TMEM132C: variants seen among roughly 807,000 people sequenced by gnomAD.
The protein encoded by TMEM132C is protein phosphatase 1, regulatory subunit 152.
A neutral mutation model predicts 61.4 loss-of-function variants in TMEM132C; 29 were observed. The ratio of observed to expected loss-of-function variants is 0.47; its 90% CI spans 0.35 to 0.64. The LOEUF (loss-of-function observed/expected upper bound fraction) is 0.64. TMEM132C is among the 30% of genes least tolerant of loss of function. TMEM132C has a pLI of 0.00. For synonymous variants in TMEM132C, 656 were observed against 633.1 expected, an observed-to-expected ratio of 1.04 and a Z score of -0.54; for missense variants, 1,408 against 1,476.9, an observed-to-expected ratio of 0.95 and a Z score of 0.76.
intron 2 of TMEM132C, among the ~76,000 whole-genome samples, chr12:128,517,330 G>A (rs1448884138): frequency 6.6e-6 from 1 of 152,046 alleles, no homozygotes; most frequent in Middle Eastern, 3.2e-3. Context: ...AGCTACTCGG[G>A]AGGCTGAGGT....
Position 128,415,472 on chromosome 12 carries a change from C to A in TMEM132C, c.826C>A (p.Arg276=), listed in dbSNP as rs530378981. Residue 276 remains arginine (R), a synonymous_variant, in exon 2 of 9, where the codon CGG becomes AGG. Coordinates refer to ENST00000435159, the MANE Select transcript of TMEM132C (RefSeq NM_001136103.3). The surrounding 1 kb of genome is among the most constrained non-coding windows in gnomAD (Gnocchi z 5.8). ...LQRIGTVGLY[R]AQDSAQLSEL... ...GAGGATCGGCACCGTCGGCCTTTAC[C>A]GGGCCCAGGACAGCGCCCAGCTCAG... The A allele has an allele frequency of 6.4e-7, 1 of 1,551,616 alleles. No homozygotes were observed. The highest frequency in any genetic ancestry group is 1.4e-5 in the African/African-American group (1 of 73,168).
chr12:128,459,673 C>T (rs1023125923), intron 2 of TMEM132C, among the ~76,000 whole-genome samples: 10 of 151,952 alleles, frequency 6.6e-5, no homozygotes, highest in South Asian at 2.1e-4. Flanking sequence ...GGGTGGATCA[C>T]GAGGAATTCA....
intron 4 of TMEM132C, among the ~76,000 whole-genome samples, chr12:128,624,899 C>T (rs1473104349): frequency 6.6e-6 from 1 of 152,174 alleles, no homozygotes; most frequent in African/African-American, 2.4e-5. Context: ...CCCAGTGCCA[C>T]CCTCATGTGA....
intron 2 of TMEM132C, among the ~76,000 whole-genome samples, chr12:128,426,611 A>G (rs1209975548): frequency 3.3e-5 from 5 of 152,180 alleles, no homozygotes; most frequent in Admixed American, 2.6e-4. Context: ...GTCATTTTAA[A>G]TGTATTCTTC....
intron 3 of TMEM132C, among the ~76,000 whole-genome samples, chr12:128,605,604 C>T (rs776366159): frequency 1.6e-4 from 25 of 152,164 alleles, no homozygotes; most frequent in African/African-American, 2.2e-4. Flanking sequence ...GGGTGCATTA[C>T]GGATCTGGTG....
intron 1 of TMEM132C, among the ~76,000 whole-genome samples, chr12:128,281,038 A>C (rs750755026): frequency 1.7e-4 from 26 of 152,192 alleles, no homozygotes; most frequent in Non-Finnish European, 8.8e-5. Context: ...AACACAGGTC[A>C]CAGGAACATA....
chr12:128,706,581 T>A lies in TMEM132C; in HGVS notation c.*286T>A, dbSNP rs1171637069. On this transcript the variant is annotated 3_prime_UTR_variant, in exon 9 of 9. Transcript: ENST00000435159. Reference sequence around the variant, plus strand: ...AAAATTAGGAAGGTTATTTTATGAGTCAAAACATACTACAGACAAGCTACC... The same window carrying A: ...AAAATTAGGAAGGTTATTTTATGAGACAAAACATACTACAGACAAGCTACC... 2 of 308,648 alleles carry A rather than the reference T, an allele frequency of 6.5e-6. No individual in the cohort carries two copies. The highest frequency in any genetic ancestry group is 1.2e-5 in the Non-Finnish European group (2 of 168,638). The allele number at this position is 308,648 out of a possible 1,614,324, so 19.1% of individuals were successfully genotyped here. A position where few individuals can be genotyped will look rare whatever the true frequency, so the allele number is the denominator to read the frequency against.
At chr12:128,578,049 T>C (rs920781352) in intron 3 of TMEM132C, among the ~76,000 whole-genome samples, 2 of 151,272 alleles carry the variant, frequency 1.3e-5, no homozygotes, top group African/African-American at 2.5e-5. Context: ...GAGAAAACTT[T>C]ATGTCATTAC....
intron 3 of TMEM132C, among the ~76,000 whole-genome samples, chr12:128,552,650 T>C (rs1287540310): frequency 1.3e-5 from 2 of 152,216 alleles, no homozygotes; most frequent in Non-Finnish European, 2.9e-5. Context: ...GGCTCACGCC[T>C]GTAACCCCAG....
intron 4 of TMEM132C, among the ~76,000 whole-genome samples, chr12:128,637,318 A>G (rs1954111981): frequency 6.6e-6 from 1 of 152,194 alleles, no homozygotes; most frequent in African/African-American, 2.4e-5. Context: ...AAAGCTCTGT[A>G]TGGTAGCAGG....
chr12:128,274,017 A>G (rs974384673), intron 1 of TMEM132C, among the ~76,000 whole-genome samples: 7 of 152,136 alleles, frequency 4.6e-5, no homozygotes, highest in Non-Finnish European at 8.8e-5. Context: ...TTATTCTCCT[A>G]CCTGTGCACT....
At chr12:128,395,674 C>T (rs1018659621) in intron 1 of TMEM132C, among the ~76,000 whole-genome samples, 9 of 152,136 alleles carry the variant, frequency 5.9e-5, no homozygotes, top group Admixed American at 1.3e-4. Context: ...ATTTGTTGAA[C>T]GCTGTTCTGA....
intron 1 of TMEM132C, among the ~76,000 whole-genome samples, chr12:128,306,193 C>T (rs762851552): frequency 8.1e-4 from 119 of 147,464 alleles, no homozygotes; most frequent in Non-Finnish European, 1.5e-3. Flanking sequence ...CCTCTTTACC[C>T]TGTGAAGAAA....
chr12:128,489,906 A>G (rs1367064486), intron 2 of TMEM132C, among the ~76,000 whole-genome samples: 1 of 152,168 alleles, frequency 6.6e-6, no homozygotes, highest in Non-Finnish European at 1.5e-5. Flanking sequence ...AACAAACAAA[A>G]GAACCTGGAT....
intron 2 of TMEM132C, among the ~76,000 whole-genome samples, chr12:128,485,991 CT>C (rs1299270322): frequency 7.9e-5 from 12 of 152,200 alleles, no homozygotes; most frequent in Admixed American, 3.3e-4. Context: ...AAAATGGCTT[CT>C]CCCTGGATAG....
intron 1 of TMEM132C, among the ~76,000 whole-genome samples, chr12:128,365,487 A>G (rs1444598207): frequency 1.3e-5 from 2 of 152,180 alleles, no homozygotes; most frequent in Admixed American, 6.5e-5. Context: ...TACTTTGACT[A>G]TTAATTAAGT....
chr12:128,346,369 A>G (rs991543063), intron 1 of TMEM132C, among the ~76,000 whole-genome samples: 1 of 152,052 alleles, frequency 6.6e-6, no homozygotes, highest in Non-Finnish European at 1.5e-5. Flanking sequence ...TTTGCTTAGG[A>G]TTGCCTTGGC....
At chr12:128,344,646 T>A (rs1244891430) in intron 1 of TMEM132C, among the ~76,000 whole-genome samples, 2 of 152,186 alleles carry the variant, frequency 1.3e-5, no homozygotes, top group South Asian at 2.1e-4. Flanking sequence ...ATTGCCCGTC[T>A]TTATCTCAGT....
intron 3 of TMEM132C, among the ~76,000 whole-genome samples, chr12:128,576,282 G>A (rs1875090507): frequency 6.6e-6 from 1 of 152,006 alleles, no homozygotes; most frequent in Non-Finnish European, 1.5e-5. Flanking sequence ...GGGGAGGGGA[G>A]GGGAGTCAGT....
Sources: allele counts gnomAD v4.1 joint callset (sites outside exome capture counted in the v4.1 genomes callset), GRCh38; gene constraint gnomAD v4.1.1; non-coding constraint Gnocchi (gnomAD v3.1); transcripts MANE v1.5; gene names NCBI Gene and HGNC (gene_info 2026-07-23, HGNC 2026-07-21).